TRAPPC3L: variants seen among roughly 807,000 people sequenced by gnomAD.
The protein encoded by TRAPPC3L is trafficking protein particle complex subunit 3-like protein.
Under a neutral mutation model 23.7 loss-of-function variants are expected in TRAPPC3L, and 23 were observed. The observed-to-expected ratio is 0.97, with a 90% confidence interval of 0.70 to 1.37. TRAPPC3L has a LOEUF of 1.37. TRAPPC3L is among the 40% of genes most tolerant of loss of function. The pLI, the probability that TRAPPC3L is intolerant of heterozygous loss-of-function variation, is 0.00. For synonymous variants in TRAPPC3L, 81 were observed against 77.9 expected (o/e 1.04, Z -0.21); for missense variants, 212 against 216.8 (o/e 0.98, Z 0.14).
intron 3 of TRAPPC3L, chr6:116,511,956 T>C (rs1583269274): frequency 6.2e-7 from 1 of 1,613,842 alleles, no homozygotes; most frequent in African/African-American, 1.3e-5. Context: ...CCCAGGAAAA[T>C]CTTTCCCAGA....
At chr6:116,545,213 C>T (rs933253120) in intron 1 of TRAPPC3L, among the ~76,000 whole-genome samples, 18 of 151,518 alleles carry the variant, frequency 1.2e-4, no homozygotes, top group African/African-American at 4.1e-4. Context: ...TATTTTCTGT[C>T]AGAGGTGAAA....
intron 3 of TRAPPC3L, among the ~76,000 whole-genome samples, chr6:116,527,618 C>T (rs1772484243): frequency 6.7e-6 from 1 of 149,984 alleles, no homozygotes; most frequent in Non-Finnish European, 1.5e-5. Flanking sequence ...ATTCTCAGGA[C>T]AACTTTAAAA....
At chr6:116,502,719 T>A (rs1028486260) in intron 3 of TRAPPC3L, among the ~76,000 whole-genome samples, 1 of 152,232 alleles carries the variant, frequency 6.6e-6, no homozygotes, top group Non-Finnish European at 1.5e-5. Context: ...GGGGCCAATA[T>A]TCAACATTCC....
intron 3 of TRAPPC3L, among the ~76,000 whole-genome samples, chr6:116,535,801 T>C (rs1172601060): frequency 6.6e-6 from 1 of 152,222 alleles, no homozygotes; most frequent in African/African-American, 2.4e-5. Flanking sequence ...TAAAGATATA[T>C]TTTAAACAAT....
chr6:116,537,160 G>A (rs1213941575), intron 3 of TRAPPC3L, among the ~76,000 whole-genome samples: 1 of 152,170 alleles, frequency 6.6e-6, no homozygotes, highest in Non-Finnish European at 1.5e-5. Context: ...GAAGGGTGAA[G>A]GTGATGAATA....
intron 3 of TRAPPC3L, among the ~76,000 whole-genome samples, chr6:116,537,323 A>G (rs1486841398): frequency 6.6e-6 from 1 of 152,228 alleles, no homozygotes; most frequent in Admixed American, 6.5e-5. Flanking sequence ...CAGATGTTGT[A>G]CATTTTTCTA....
chr6:116,530,612 A>C (rs990750672), intron 3 of TRAPPC3L, among the ~76,000 whole-genome samples: 1 of 151,820 alleles, frequency 6.6e-6, no homozygotes, highest in African/African-American at 2.4e-5. Flanking sequence ...TGTCTGCCCC[A>C]CTCTTGCTAA....
At chr6:116,526,777 G>T (rs904144159) in intron 3 of TRAPPC3L, among the ~76,000 whole-genome samples, 1 of 151,842 alleles carries the variant, frequency 6.6e-6, no homozygotes, top group Non-Finnish European at 1.5e-5. Context: ...TTACTCCATG[G>T]TTTTTTTTCT....
chr6:116,536,295 A>G (rs1474835993), intron 3 of TRAPPC3L, among the ~76,000 whole-genome samples: 1 of 152,156 alleles, frequency 6.6e-6, no homozygotes, highest in Non-Finnish European at 1.5e-5. Context: ...TGATTTGGCC[A>G]TTATCATGGG....
At chr6:116,509,168 TA>T (rs1772062970) in intron 3 of TRAPPC3L, among the ~76,000 whole-genome samples, 1 of 147,028 alleles carries the variant, frequency 6.8e-6, no homozygotes. Context: ...AGGAGAACTA[TA>T]AAATGCAGCT....
intron 4 of TRAPPC3L, 133 bp from the exon 5 acceptor site, chr6:116,497,206 G>A (rs1771845757): frequency 1.7e-5 from 20 of 1,147,076 alleles, no homozygotes; most frequent in Non-Finnish European, 2.4e-5. Context: ...GTGGATAAAG[G>A]GCCCTTTACT....
intron 4 of TRAPPC3L, among the ~76,000 whole-genome samples, chr6:116,499,217 C>T (rs957472748): frequency 2.0e-5 from 3 of 152,202 alleles, no homozygotes; most frequent in Non-Finnish European, 2.9e-5. Context: ...TTCCTTTCAG[C>T]CAGTTCATAA....
intron 4 of TRAPPC3L, among the ~76,000 whole-genome samples, chr6:116,498,430 T>C (rs1418424078): frequency 6.6e-6 from 1 of 152,258 alleles, no homozygotes; most frequent in Non-Finnish European, 1.5e-5. Context: ...GATTACTTGT[T>C]ATTCTATTTT....
chr6:116,498,770 T>C (rs1771869324), intron 4 of TRAPPC3L, among the ~76,000 whole-genome samples: 1 of 152,248 alleles, frequency 6.6e-6, no homozygotes, highest in Non-Finnish European at 1.5e-5. Context: ...GTCTGTCCTC[T>C]TGAAATGATC....
At chr6:116,535,748 C>G (rs913726924) in intron 3 of TRAPPC3L, among the ~76,000 whole-genome samples, 6 of 152,074 alleles carry the variant, frequency 3.9e-5, no homozygotes, top group Non-Finnish European at 8.8e-5. Context: ...AGACCAACTG[C>G]AAAATTTTTC....
chr6:116,506,102 AT>A (rs1325097359), intron 3 of TRAPPC3L, among the ~76,000 whole-genome samples: 1 of 152,184 alleles, frequency 6.6e-6, no homozygotes, highest in Non-Finnish European at 1.5e-5. Flanking sequence ...ATGGGAGAAA[AT>A]TTTTGCAATC....
rs1292109670 is a variant in TRAPPC3L, at chr6:116,495,502, A to G, written c.*1452T>C. Reference sequence around the variant, plus strand: ...GGGAGTGCAGATATCTCTTTGATATACTGATTTCCTTTATTTTGGGTATAT... The same window carrying G: ...GGGAGTGCAGATATCTCTTTGATATGCTGATTTCCTTTATTTTGGGTATAT... On this transcript the variant is annotated 3_prime_UTR_variant, in exon 5 of 5. Coordinates refer to ENST00000368602, the MANE Select transcript of TRAPPC3L (RefSeq NM_001139444.3). 6.6e-6 allele frequency: 1 copy of G among 152,136 alleles called. No homozygotes were observed. Among genetic ancestry groups the G allele is most frequent in the Non-Finnish European group, 1.5e-5 (1 of 68,010 alleles). 9.4% of individuals were successfully genotyped at this position (152,136 alleles called of 1,614,324 possible).
At chr6:116,503,750 T>C (rs561711214) in intron 3 of TRAPPC3L, among the ~76,000 whole-genome samples, 1 of 152,202 alleles carries the variant, frequency 6.6e-6, no homozygotes, top group East Asian at 1.9e-4. Flanking sequence ...ACATGGAAGC[T>C]GAAAAATCTG....
At chr6:116,521,243 G>A (rs1339705378) in intron 3 of TRAPPC3L, 1 of 151,924 alleles carries the variant, frequency 6.6e-6, no homozygotes, top group Non-Finnish European at 1.5e-5. Context: ...TATGAAAGAG[G>A]ATTTATTGTG....
Sources: gnomAD v4.1 joint callset for allele counts (sites outside exome capture counted in the v4.1 genomes callset) on GRCh38, gnomAD v4.1.1 for gene constraint, MANE v1.5 for transcripts, NCBI Gene and HGNC (gene_info 2026-07-23, HGNC 2026-07-21) for gene names.